Variants in ANKRD12 observed in about 807,000 individuals in gnomAD.
ANKRD12 encodes ankyrin repeat domain 12, also known as ankyrin repeat domain-containing protein 12.
Under a neutral mutation model 183.4 loss-of-function variants are expected in ANKRD12, and 85 were observed. The observed-to-expected ratio is 0.46, with a 90% confidence interval of 0.39 to 0.56. The LOEUF (loss-of-function observed/expected upper bound fraction) is 0.56, where lower values mean the gene tolerates loss of function less well. Ranked by LOEUF, ANKRD12 falls within the 20% of genes least tolerant of loss-of-function variation. The probability of loss-of-function intolerance (pLI) is 0.00; values close to 1 mark genes in which losing one functional copy is unlikely to be tolerated. For missense variants in ANKRD12, 2,405 were observed against 2,357.1 expected (o/e 1.02, Z -0.42); for synonymous variants, 914 against 800.2 (o/e 1.14, Z -2.40).
At position 9,255,135 on chromosome 18, in the gene ANKRD12, A is replaced by C; in HGVS notation, c.1868A>C (p.Lys623Thr). ...GAATTTGGTGAAAAATCAAATGCCA[A>C]AATAAAGGATGAAGATCATAGTCCA... ...HLEFGEKSNAKIKDEDHSPTF... is the reference protein window; with the variant it reads ...HLEFGEKSNATIKDEDHSPTF... Residue 623 changes from lysine to threonine, a missense_variant, in exon 9 of 13, where the codon AAA (lysine) becomes ACA (threonine). Coordinates refer to ENST00000262126, the MANE Select transcript of ANKRD12 (RefSeq NM_015208.5). 1 of 1,584,506 alleles carries C rather than the reference A, an allele frequency of 6.3e-7. No homozygotes were observed. The highest frequency in any genetic ancestry group is 8.5e-7 in the Non-Finnish European group (1 of 1,171,496).
intron 9 of ANKRD12, among the ~76,000 whole-genome samples, chr18:9,260,646 C>T (rs536070689): frequency 1.3e-5 from 2 of 152,168 alleles, no homozygotes; most frequent in African/African-American, 4.8e-5. Flanking sequence ...GTCAGGGGAG[C>T]GAGTATTCTC....
intron 2 of ANKRD12, among the ~76,000 whole-genome samples, chr18:9,192,144 C>G (rs1315367262): frequency 6.6e-6 from 1 of 152,122 alleles, no homozygotes; most frequent in African/African-American, 2.4e-5. Context: ...ATTTGTTGGT[C>G]TCACCATATA....
At chr18:9,196,407 A>G (rs1319298651) in intron 3 of ANKRD12, among the ~76,000 whole-genome samples, 1 of 152,226 alleles carries the variant, frequency 6.6e-6, no homozygotes, top group Non-Finnish European at 1.5e-5. Flanking sequence ...TGAAACTAAT[A>G]TAAACTTGAA....
intron 1 of ANKRD12, among the ~76,000 whole-genome samples, chr18:9,146,086 TCA>T (rs1275316763): frequency 1.3e-5 from 2 of 152,224 alleles, no homozygotes; most frequent in Admixed American, 6.5e-5. Flanking sequence ...AAATGTAGGT[TCA>T]GTTTTTGCTG....
At chr18:9,144,693 G>A (rs1350574217) in intron 1 of ANKRD12, among the ~76,000 whole-genome samples, 1 of 152,016 alleles carries the variant, frequency 6.6e-6, no homozygotes, top group Non-Finnish European at 1.5e-5. Context: ...TTCCCATTTT[G>A]CACCTAAGGT....
rs2040110834 is a variant in ANKRD12 at position 9,281,684 on chromosome 18, T to C, written c.*558T>C. On this transcript the variant is annotated 3_prime_UTR_variant, in exon 13 of 13. Coordinates refer to ENST00000262126, the MANE Select transcript of ANKRD12 (RefSeq NM_015208.5). ...GTGCAGATGTAAATCTTGTAATTAATGGTCAAACTGTATAAAGGGATTGGT... is the reference window on the plus strand; with the variant it reads ...GTGCAGATGTAAATCTTGTAATTAACGGTCAAACTGTATAAAGGGATTGGT... The C allele has an allele frequency of 6.5e-6, 1 of 152,772 alleles. No individual in the cohort carries two copies. The highest frequency in any genetic ancestry group is 2.1e-4 in the South Asian group (1 of 4,832). The allele number at this position is 152,772 out of a possible 1,614,324, so 9.5% of individuals were successfully genotyped here. A position where few individuals can be genotyped will look rare whatever the true frequency, so the allele number is the denominator to read the frequency against.
At chr18:9,189,470 A>C (rs1398719613) in intron 2 of ANKRD12, among the ~76,000 whole-genome samples, 1 of 152,236 alleles carries the variant, frequency 6.6e-6, no homozygotes, top group African/African-American at 2.4e-5. Flanking sequence ...TTCAGTATAG[A>C]TGAAATAGCC....
At chr18:9,214,005 A>G (rs760977116) in intron 6 of ANKRD12, among the ~76,000 whole-genome samples, 24 of 152,028 alleles carry the variant, frequency 1.6e-4, no homozygotes, top group Non-Finnish European at 3.1e-4. Flanking sequence ...TTTGTCAAAT[A>G]ATTTAGCACA....
At chr18:9,147,001 G>T (rs1306727608) in intron 1 of ANKRD12, among the ~76,000 whole-genome samples, 3 of 152,298 alleles carry the variant, frequency 2.0e-5, no homozygotes, top group Non-Finnish European at 4.4e-5. Flanking sequence ...GATCAGGGTG[G>T]AAATGATGTT....
intron 2 of ANKRD12, among the ~76,000 whole-genome samples, chr18:9,185,175 C>G (rs1314715391): frequency 6.6e-6 from 1 of 152,156 alleles, no homozygotes; most frequent in Non-Finnish European, 1.5e-5. Flanking sequence ...GGAGGTGAGT[C>G]TAGCACTAGA....
At chr18:9,201,902 A>T (rs1162043665) in intron 3 of ANKRD12, among the ~76,000 whole-genome samples, 1 of 150,800 alleles carries the variant, frequency 6.6e-6, no homozygotes, top group Non-Finnish European at 1.5e-5. Context: ...GTCTCGGCTC[A>T]CTGCAACCTC....
chr18:9,193,087 C>G (rs1214002766), intron 2 of ANKRD12, among the ~76,000 whole-genome samples: 2 of 150,792 alleles, frequency 1.3e-5, no homozygotes, highest in Non-Finnish European at 2.9e-5. Flanking sequence ...GGAAATTACC[C>G]ATTTTTACAG....
chr18:9,161,345 CTA>C (rs1371921226), intron 1 of ANKRD12, among the ~76,000 whole-genome samples: 1 of 151,216 alleles, frequency 6.6e-6, no homozygotes, highest in Non-Finnish European at 1.5e-5. Flanking sequence ...TTTTTTTTCT[CTA>C]TTTCTGTTTT....
chr18:9,180,263 A>T (rs2033608652), intron 1 of ANKRD12, among the ~76,000 whole-genome samples: 2 of 152,042 alleles, frequency 1.3e-5, no homozygotes, highest in Admixed American at 6.6e-5. Context: ...TAATATAGCC[A>T]CTCAAGCTTG....
chr18:9,137,567 C>T (rs1220173784), intron 1 of ANKRD12: 1 of 150,246 alleles, frequency 6.7e-6, no homozygotes, highest in Non-Finnish European at 1.5e-5. Context: ...CTGCCGCGGC[C>T]GCTCGGGCCG....
In ANKRD12 at chr18:9,208,806, G is replaced by T. The variant is rs757549782; in HGVS notation, c.451+3G>T. The T allele has an allele frequency of 6.4e-7, 1 of 1,565,130 alleles. No individual in the cohort carries two copies. The highest frequency in any genetic ancestry group is 8.7e-7 in the Non-Finnish European group (1 of 1,155,842). On this transcript the variant is annotated splice_donor_region_variant and intron_variant, in intron 5 of 12. Coordinates refer to ENST00000262126, the MANE Select transcript of ANKRD12 (RefSeq NM_015208.5). ...GACAGCAAGAGACAACAGTCCAGGTGATACCTACCATCATTGAGTTAATGT... is the reference window on the plus strand; with the variant it reads ...GACAGCAAGAGACAACAGTCCAGGTTATACCTACCATCATTGAGTTAATGT...
rs2035368005 is a variant in ANKRD12, at chr18:9,204,506, G to T, written c.266G>T (p.Trp89Leu). The T allele has an allele frequency of 6.2e-7, 1 of 1,602,900 alleles. No homozygotes were observed. Among genetic ancestry groups the T allele is most frequent in the Admixed American group, 1.7e-5 (1 of 59,094 alleles). The change falls in exon 4 of 13, where the codon TGG becomes TTG. Residue 89 changes from tryptophan to leucine, a missense_variant. By Grantham distance (61) the Trp-to-Leu change is moderately conservative (BLOSUM62 -2). Transcript: ENST00000262126. ...GATCCAGGACATACAAGTGAAAATT[G>T]GGGGGAGAGACTTATATCTTCTTAC... ...DSDPGHTSENWGERLISSYRT... is the reference protein window; with the variant it reads ...DSDPGHTSENLGERLISSYRT...
chr18:9,229,360 T>C (rs1276443519), intron 8 of ANKRD12, among the ~76,000 whole-genome samples: 1 of 152,200 alleles, frequency 6.6e-6, no homozygotes, highest in African/African-American at 2.4e-5. Flanking sequence ...GGGGATTACA[T>C]TGAGTCTGTA....
intron 11 of ANKRD12, among the ~76,000 whole-genome samples, chr18:9,278,269 G>T (rs1420736661): frequency 6.6e-6 from 1 of 152,168 alleles, no homozygotes; most frequent in Non-Finnish European, 1.5e-5. Flanking sequence ...TATGGGAGTA[G>T]CCTTGGAAGG....
Sources: gnomAD v4.1 joint callset for allele counts (sites outside exome capture counted in the v4.1 genomes callset) on GRCh38, gnomAD v4.1.1 for gene constraint, MANE v1.5 for transcripts, NCBI Gene and HGNC (gene_info 2026-07-23, HGNC 2026-07-21) for gene names.